LRRC28: variants seen among roughly 807,000 people sequenced by gnomAD.
The protein encoded by LRRC28 is leucine-rich repeat-containing protein 28.
LRRC28 carries 39 observed loss-of-function variants against 45.7 expected under a neutral mutation model. The ratio of observed to expected loss-of-function variants is 0.85; its 90% CI spans 0.66 to 1.12. The LOEUF (loss-of-function observed/expected upper bound fraction) is 1.12, where lower values mean the gene tolerates loss of function less well. LRRC28 is among the 50% of genes most tolerant of loss of function. The pLI is 0.00. For synonymous variants in LRRC28, 206 were observed against 178.8 expected, an observed-to-expected ratio of 1.15 and a Z score of -1.22; for missense variants, 435 against 438.5, an observed-to-expected ratio of 0.99 and a Z score of 0.07.
At position 99,333,993 on chromosome 15, in the gene LRRC28, G is replaced by A; in HGVS notation, c.456G>A (p.Arg152=). ...ATCGTTTGCTAACTTTACCCGAGAG[G>A]CTTCACATGTGCCTTTCTCTGCAGT... ...STNRLLTLPE[R]LHMCLSLQYL... The change falls in exon 6 of 10, where the codon AGG becomes AGA. Residue 152 remains arginine, a synonymous_variant. Transcript: ENST00000301981. The A allele has an allele frequency of 1.2e-6, 2 of 1,614,080 alleles. No homozygotes were observed. The highest frequency in any genetic ancestry group is 1.7e-6 in the Non-Finnish European group (2 of 1,179,998).
intron 7 of LRRC28, among the ~76,000 whole-genome samples, chr15:99,359,860 A>G (rs1957150333): frequency 6.6e-6 from 1 of 152,228 alleles, no homozygotes; most frequent in African/African-American, 2.4e-5. Flanking sequence ...TGCTTTAGGA[A>G]CTAACAGAGA....
intron 3 of LRRC28, chr15:99,285,076 T>C: frequency 1.5e-6 from 1 of 681,954 alleles, no homozygotes; most frequent in Admixed American, 1.8e-5. Flanking sequence ...GCCATTCACA[T>C]TATGGTATTT....
At chr15:99,350,793 TTCTC>T (rs1177901904) in intron 6 of LRRC28, among the ~76,000 whole-genome samples, 1 of 152,152 alleles carries the variant, frequency 6.6e-6, no homozygotes, top group African/African-American at 2.4e-5. Flanking sequence ...TCTTTCTTTT[TTCTC>T]TCTCTCTTTT....
chr15:99,306,754 C>T (rs1955196764), intron 5 of LRRC28, among the ~76,000 whole-genome samples: 1 of 152,162 alleles, frequency 6.6e-6, no homozygotes, highest in Non-Finnish European at 1.5e-5. Flanking sequence ...GACCTTGGTG[C>T]CTATTGTCTG....
At chr15:99,299,077 G>T (rs1175815565) in intron 5 of LRRC28, among the ~76,000 whole-genome samples, 1 of 152,166 alleles carries the variant, frequency 6.6e-6, no homozygotes. Context: ...CTACCATACC[G>T]TTTGCTATCT....
intron 2 of LRRC28, among the ~76,000 whole-genome samples, chr15:99,275,762 T>C (rs2081601170): frequency 6.6e-6 from 1 of 152,110 alleles, no homozygotes; most frequent in Non-Finnish European, 1.5e-5. Context: ...CACTCCAGTT[T>C]CTGGTTCTTC....
intron 3 of LRRC28, chr15:99,285,022 C>CA: frequency 1.5e-6 from 1 of 650,050 alleles, no homozygotes; most frequent in South Asian, 1.4e-5. Context: ...GAAGCACTAG[C>CA]CATCTCTTGG....
At position 99,386,904 on chromosome 15, in the gene LRRC28, T is replaced by C. The variant is rs1412749554; in HGVS notation, c.*802T>C. The stretch of plus-strand genomic sequence containing the variant: ...GCTTTACAAGATCTGATTTTTTTCT[T>C]TCTCAATATAAAGTTTCCATACAAT... On this transcript the variant is annotated 3_prime_UTR_variant, in exon 10 of 10. Coordinates refer to ENST00000301981, the MANE Select transcript of LRRC28 (RefSeq NM_144598.5). 1 of 152,210 alleles carries C rather than the reference T, an allele frequency of 6.6e-6. No homozygotes were observed. Among genetic ancestry groups the C allele is most frequent in the Non-Finnish European group, 1.5e-5 (1 of 68,030 alleles). 9.4% of individuals were successfully genotyped at this position (152,210 alleles called of 1,614,324 possible). A position where few individuals can be genotyped will look rare whatever the true frequency, so the allele number is the denominator to read the frequency against.
chr15:99,333,883 A>G, intron 5 of LRRC28, 40 bp from the exon 6 acceptor site: 1 of 1,596,284 alleles, frequency 6.3e-7, no homozygotes, highest in Non-Finnish European at 8.6e-7. Flanking sequence ...ATTTCAGTTC[A>G]TAAGGATGCA....
intron 2 of LRRC28, chr15:99,258,232 T>C (rs1567599695): frequency 6.3e-7 from 1 of 1,599,784 alleles, no homozygotes; most frequent in East Asian, 2.2e-5. Flanking sequence ...CCATCTTCCT[T>C]GTAGCAGATA....
chr15:99,270,779 G>A (rs546949070), intron 2 of LRRC28, among the ~76,000 whole-genome samples: 4 of 152,094 alleles, frequency 2.6e-5, no homozygotes, highest in African/African-American at 9.7e-5. Context: ...GTTCTTTTGG[G>A]TATATAAATA....
In LRRC28 at chr15:99,363,216, C is replaced by T. The variant is rs1957253897; in HGVS notation, c.982C>T (p.Pro328Ser). ...TGAGCCTATGTTTACCATCGTCTAC[C>T]CCAAGCTCTTTCCCTTGAGAGAGAC... ...CSEPMFTIVYPKLFPLRETPM... is the reference protein window; with the variant it reads ...CSEPMFTIVYSKLFPLRETPM... The change falls in exon 9 of 10, where the codon CCC becomes TCC. Residue 328 changes from proline (P) to serine (S), a missense_variant. Coordinates refer to ENST00000301981, the MANE Select transcript of LRRC28 (RefSeq NM_144598.5). 1 of 1,613,982 alleles carries T rather than the reference C, an allele frequency of 6.2e-7. No individual in the cohort carries two copies. The highest frequency in any genetic ancestry group is 2.2e-5 in the East Asian group (1 of 44,872).
intron 3 of LRRC28, chr15:99,285,673 G>C (rs2081939265): frequency 1.7e-6 from 1 of 592,486 alleles, no homozygotes; most frequent in Non-Finnish European, 3.0e-6. Context: ...ATTATATGTA[G>C]ATAATATTTT....
At chr15:99,356,357 G>T (rs903167610) in intron 7 of LRRC28, among the ~76,000 whole-genome samples, 1 of 151,784 alleles carries the variant, frequency 6.6e-6, no homozygotes, top group African/African-American at 2.4e-5. Context: ...GAAAAATAGA[G>T]ACTAAAAAAA....
intron 5 of LRRC28, among the ~76,000 whole-genome samples, chr15:99,298,121 A>G (rs915848841): frequency 3.9e-5 from 6 of 152,270 alleles, no homozygotes; most frequent in Non-Finnish European, 7.4e-5. Context: ...AATCATGCTT[A>G]CTGCACGTTG....
intron 7 of LRRC28, among the ~76,000 whole-genome samples, chr15:99,357,728 C>A (rs1465486897): frequency 6.6e-6 from 1 of 151,646 alleles, no homozygotes; most frequent in African/African-American, 2.4e-5. Flanking sequence ...TAAAGTTTAC[C>A]TTAAAATATC....
At chr15:99,257,942 G>A (rs1264890419) in intron 2 of LRRC28, 5 of 774,918 alleles carry the variant, frequency 6.5e-6, no homozygotes, top group African/African-American at 1.7e-5. Flanking sequence ...TTAGAGAACT[G>A]ATTCTGACGC....
At chr15:99,370,721 A>C (rs1957462343) in intron 9 of LRRC28, among the ~76,000 whole-genome samples, 1 of 152,188 alleles carries the variant, frequency 6.6e-6, no homozygotes, top group Non-Finnish European at 1.5e-5. Flanking sequence ...AGTTACATAA[A>C]AGATTGCATA....
At chr15:99,364,347 C>T (rs1957286322) in intron 9 of LRRC28, among the ~76,000 whole-genome samples, 2 of 152,210 alleles carry the variant, frequency 1.3e-5, no homozygotes, top group Non-Finnish European at 2.9e-5. Flanking sequence ...GCTCTACTCA[C>T]GCCATCCCAA....
Sources: gnomAD v4.1 joint callset for allele counts (sites outside exome capture counted in the v4.1 genomes callset) on GRCh38, gnomAD v4.1.1 for gene constraint, MANE v1.5 for transcripts, NCBI Gene and HGNC (gene_info 2026-07-23, HGNC 2026-07-21) for gene names.